Variants in SOWAHB observed in about 807,000 individuals in gnomAD.
SOWAHB encodes sosondowah ankyrin repeat domain family member B, also known as ankyrin repeat domain-containing protein SOWAHB.
SOWAHB carries 17 observed loss-of-function variants against 18.3 expected under a neutral mutation model. The ratio of observed to expected loss-of-function variants is 0.93; its 90% CI spans 0.64 to 1.40. The LOEUF (loss-of-function observed/expected upper bound fraction) is 1.40. Ranked by LOEUF, SOWAHB falls within the 40% of genes most tolerant of loss-of-function variation. The pLI is 0.00. For synonymous variants in SOWAHB, 496 were observed against 448.1 expected, an observed-to-expected ratio of 1.11 and a Z score of -1.35; for missense variants, 1,126 against 1,033.7, an observed-to-expected ratio of 1.09 and a Z score of -1.22.
rs1332916363 is a variant in SOWAHB, at chr4:76,898,099, C to G, written c.-250G>C. 1 of 497,458 alleles carries G rather than the reference C, an allele frequency of 2.0e-6. No homozygotes were observed. Among genetic ancestry groups the G allele is most frequent in the Non-Finnish European group, 3.5e-6 (1 of 284,726 alleles). 30.8% of individuals were successfully genotyped at this position (497,458 alleles called of 1,614,324 possible). A position where few individuals can be genotyped will look rare whatever the true frequency, so the allele number is the denominator to read the frequency against. On this transcript the variant is annotated 5_prime_UTR_variant, in exon 1 of 1. Transcript: ENST00000334306. ...GAGAGAGGGCGGCTCCGAGGCCGCC[C>G]CTGCGCGACTCTAGCCTCTCGCAAC...
chr4:76,897,348 C>T lies in SOWAHB; in HGVS notation c.502G>A (p.Gly168Arg), dbSNP rs138247395. The T allele has an allele frequency of 1.3e-6, 2 of 1,534,120 alleles. No homozygotes were observed. Among genetic ancestry groups the T allele is most frequent in the East Asian group, 2.5e-5 (1 of 40,378 alleles). The change falls in exon 1 of 1, where the codon GGA becomes AGA. Residue 168 changes from glycine (G) to arginine (R), a missense_variant. Transcript: ENST00000334306. This position sits in a 1 kb window ranked among gnomAD's most constrained non-coding sequence, Gnocchi z 6.4. ...GKGGGSKGSP[G>R]QRPPVPAAAA... is the part of the protein sequence containing the mutation. The stretch of plus-strand genomic sequence containing the variant: ...GCTGCGGGCACCGGCGGCCTCTGTC[C>T]GGGACTGCCCTTCGATCCGCCGCCC...
Position 76,895,851 on chromosome 4 carries a change from A to G in SOWAHB, c.1999T>C (p.Ser667Pro). 6.2e-7 allele frequency: 1 copy of G among 1,614,104 alleles called. No homozygotes were observed. Among genetic ancestry groups the G allele is most frequent in the East Asian group, 2.2e-5 (1 of 44,872 alleles). Residue 667 changes from serine to proline, a missense_variant, in exon 1 of 1, where the codon TCC becomes CCC. Coordinates refer to ENST00000334306, the MANE Select transcript of SOWAHB (RefSeq NM_001029870.3). Reference sequence around the variant, plus strand: ...TGCAGCGGGGTATATCCACAACTGGACCTCACGTTTACATCAAGGACAATC... The same window carrying G: ...TGCAGCGGGGTATATCCACAACTGGGCCTCACGTTTACATCAAGGACAATC... Reference protein sequence around the residue: ...AGIVLDVNVRSSCGYTPLHLA... With the variant: ...AGIVLDVNVRPSCGYTPLHLA...
At position 76,895,666 on chromosome 4, in the gene SOWAHB, G is replaced by A; in HGVS notation, c.2184C>T (p.Gly728=). The change falls in exon 1 of 1, where the codon GGC becomes GGT. Residue 728 remains glycine (G), a synonymous_variant. Coordinates refer to ENST00000334306, the MANE Select transcript of SOWAHB (RefSeq NM_001029870.3). ...AGGGATAGACAGGGAAAATGGGCTT[G>A]CCCCGAGGAGCTCCCAACAGCTGCC... The part of the protein sequence containing the change: ...EIWQLLGAPR[G]KPIFPVYPLV... 6.2e-7 allele frequency: 1 copy of A among 1,614,214 alleles called. No individual in the cohort carries two copies. Among genetic ancestry groups the A allele is most frequent in the Non-Finnish European group, 8.5e-7 (1 of 1,180,034 alleles).
chr4:76,896,492 C>A lies in SOWAHB; in HGVS notation c.1358G>T (p.Arg453Leu), dbSNP rs1014961729. 3.7e-6 allele frequency: 6 copies of A among 1,612,772 alleles called. No individual in the cohort carries two copies. The African/African-American group carries it at 8.0e-5, about 22-fold the overall frequency. ...SVSRKEGSPSRSPQGLRNRGD... is the reference protein window; with the variant it reads ...SVSRKEGSPSLSPQGLRNRGD... ...TCTGTTTCTGAGACCCTGAGGGCTCCGGCTGGGGCTGCCCTCCTTCCGAGA... is the reference window on the plus strand; with the variant it reads ...TCTGTTTCTGAGACCCTGAGGGCTCAGGCTGGGGCTGCCCTCCTTCCGAGA... Residue 453 changes from arginine (R) to leucine (L), a missense_variant, in exon 1 of 1, where the codon CGG becomes CTG. Transcript: ENST00000334306.
Position 76,896,966 on chromosome 4 carries a change from T to C in SOWAHB, c.884A>G (p.His295Arg), listed in dbSNP as rs1719934442. ...RPELLTPSSL[H>R]YSTLQQQQQR... is the part of the protein sequence containing the mutation. ...CTGCTGCTGCTGCAGGGTCGAATAA[T>C]GCAGGGAGCTGGGGGTCAGCAGCTC... Residue 295 changes from histidine to arginine, a missense_variant, in exon 1 of 1, where the codon CAT becomes CGT. By Grantham distance (29) the His-to-Arg change is conservative (BLOSUM62 0). Transcript: ENST00000334306. The C allele has an allele frequency of 6.3e-7, 1 of 1,594,102 alleles. No homozygotes were observed. The highest frequency in any genetic ancestry group is 8.5e-7 in the Non-Finnish European group (1 of 1,171,824).
In SOWAHB at chr4:76,897,936, G is replaced by A. The variant is rs1352816328; in HGVS notation, c.-87C>T. On this transcript the variant is annotated 5_prime_UTR_variant, in exon 1 of 1. Coordinates refer to ENST00000334306, the MANE Select transcript of SOWAHB (RefSeq NM_001029870.3). The surrounding 1 kb of genome is among the most constrained non-coding windows in gnomAD (Gnocchi z 6.4). ...CAGAGGAAACCCTGGCCGGGCGAGT[G>A]TCACCTGCGCCCGGGGCGGCACTAG... The A allele has an allele frequency of 2.9e-6, 4 of 1,387,576 alleles. No individual in the cohort carries two copies. The highest frequency in any genetic ancestry group is 2.5e-5 in the East Asian group (1 of 39,480). The allele number at this position is 1,387,576 out of a possible 1,614,324, so 86.0% of individuals were successfully genotyped here.
chr4:76,897,819 G>C lies in SOWAHB; in HGVS notation c.31C>G (p.Leu11Val). 1 of 1,599,770 alleles carries C rather than the reference G, an allele frequency of 6.3e-7. No individual in the cohort carries two copies. The highest frequency in any genetic ancestry group is 8.5e-7 in the Non-Finnish European group (1 of 1,179,828). Reference sequence around the variant, plus strand: ...CCCCCAGCCTGGCACAGAAAGTCCAGTAGTGCCTCCTGGCTCAGCTCTCGG... The same window carrying C: ...CCCCCAGCCTGGCACAGAAAGTCCACTAGTGCCTCCTGGCTCAGCTCTCGG... MARELSQEAL[L>V]DFLCQAGGRV... The change falls in exon 1 of 1, where the codon CTG becomes GTG. Residue 11 changes from leucine (L) to valine (V), a missense_variant. Leu to Val is a conservative substitution (Grantham distance 32, BLOSUM62 1). Coordinates refer to ENST00000334306, the MANE Select transcript of SOWAHB (RefSeq NM_001029870.3). The surrounding 1 kb of genome is among the most constrained non-coding windows in gnomAD (Gnocchi z 6.4).
chr4:76,897,242 T>C lies in SOWAHB; in HGVS notation c.608A>G (p.Asn203Ser). The C allele has an allele frequency of 6.3e-7, 1 of 1,579,208 alleles. No homozygotes were observed. Among genetic ancestry groups the C allele is most frequent in the East Asian group, 2.3e-5 (1 of 44,050 alleles). ...QGRCCWECLQ[N>S]NLAVLPGELG... The stretch of plus-strand genomic sequence containing the variant: ...CTCTCCCGGCAGTACAGCCAGGTTG[T>C]TCTGGAGGCATTCCCAGCAGCAGCG... The change falls in exon 1 of 1, where the codon AAC (asparagine) becomes AGC (serine). Residue 203 changes from asparagine (N) to serine (S), a missense_variant. Transcript: ENST00000334306. This position sits in a 1 kb window ranked among gnomAD's most constrained non-coding sequence, Gnocchi z 6.4.
chr4:76,897,462 C>T lies in SOWAHB; in HGVS notation c.388G>A (p.Glu130Lys), dbSNP rs1719957740. The T allele has an allele frequency of 5.4e-6, 8 of 1,495,250 alleles. No individual in the cohort carries two copies. Among genetic ancestry groups the T allele is most frequent in the Non-Finnish European group, 7.1e-6 (8 of 1,129,820 alleles). The allele number at this position is 1,495,250 out of a possible 1,614,324, so 92.6% of individuals were successfully genotyped here. Residue 130 changes from glutamate (E) to lysine (K), a missense_variant, in exon 1 of 1, where the codon GAG becomes AAG. Glu to Lys is a moderately conservative substitution (Grantham distance 56, BLOSUM62 1). Transcript: ENST00000334306. This position sits in a 1 kb window ranked among gnomAD's most constrained non-coding sequence, Gnocchi z 6.4. The stretch of plus-strand genomic sequence containing the variant: ...GCTGCTGCACCTGCTGGCTCCTCCT[C>T]CGGCTCCTTCTCGCGCCGCCGCCGC... ...PRRRRREKEP[E>K]EEPAGAAARA...
At position 76,897,013 on chromosome 4, in the gene SOWAHB, G is replaced by A. The variant is rs553865486; in HGVS notation, c.837C>T (p.Pro279=). The A allele has an allele frequency of 7.7e-5, 120 of 1,560,516 alleles. No individual in the cohort carries two copies. The African/African-American group carries it at 1.4e-3, about 19-fold the overall frequency. Reference sequence around the variant, plus strand: ...GCTCCGGCCGGTCTCCGCGGGGAGCGGGGCCGGGCAGGAGAGCAGGCGGGG... The same window carrying A: ...GCTCCGGCCGGTCTCCGCGGGGAGCAGGGCCGGGCAGGAGAGCAGGCGGGG... The part of the protein sequence containing the change: ...RASPPALLPG[P]APRGDRPELL... Residue 279 remains proline, a synonymous_variant, in exon 1 of 1, where the codon CCC becomes CCT. Transcript: ENST00000334306. The surrounding 1 kb of genome is among the most constrained non-coding windows in gnomAD (Gnocchi z 6.4).
chr4:76,897,053 G>A lies in SOWAHB; in HGVS notation c.797C>T (p.Ala266Val). Residue 266 changes from alanine (A) to valine (V), a missense_variant, in exon 1 of 1, where the codon GCG becomes GTG. Transcript: ENST00000334306. The surrounding 1 kb of genome is among the most constrained non-coding windows in gnomAD (Gnocchi z 6.4). ...AGCAGGCGGGGAAGCCCTGCTTGTC[G>A]CAGCCTCGACGGTGGCGGGAGGCGA... ...AHSPPATVEAATSRASPPALL... is the reference protein window; with the variant it reads ...AHSPPATVEAVTSRASPPALL... 1.3e-6 allele frequency: 2 copies of A among 1,541,212 alleles called. No homozygotes were observed. The highest frequency in any genetic ancestry group is 1.7e-6 in the Non-Finnish European group (2 of 1,149,698).
chr4:76,897,844 GGCC>G lies in SOWAHB; in HGVS notation c.3_5del (p.MetAla1_?2). ...GTAGTGCCTCCTGGCTCAGCTCTCGGGCCATCGCTGCCTTGTCCTCCGCCCCAG... is the reference window on the plus strand; with the variant it reads ...GTAGTGCCTCCTGGCTCAGCTCTCGGATCGCTGCCTTGTCCTCCGCCCCAG... On this transcript the variant is annotated start_lost and inframe_deletion, in exon 1 of 1. Coordinates refer to ENST00000334306, the MANE Select transcript of SOWAHB (RefSeq NM_001029870.3). The surrounding 1 kb of genome is among the most constrained non-coding windows in gnomAD (Gnocchi z 6.4). The G allele has an allele frequency of 6.3e-7, 1 of 1,596,800 alleles. No individual in the cohort carries two copies.
Position 76,896,031 on chromosome 4 carries a change from CA to C in SOWAHB, c.1818del (p.Ser606ArgfsTer24), listed in dbSNP as rs1719901109. The C allele has an allele frequency of 6.2e-7, 1 of 1,611,674 alleles. No homozygotes were observed. The highest frequency in any genetic ancestry group is 1.1e-5 in the South Asian group (1 of 90,606). On this transcript the variant is annotated frameshift_variant, in exon 1 of 1. Transcript: ENST00000334306. LOFTEE classifies it high-confidence loss of function. ...AAAGTCCACACCTGAATCCAGGAGC[CA>C]CTGGCAAGCTTCACAATCCACTCAT... is the stretch of plus-strand genomic sequence containing the variant. ...REHEWIVKLA[S>X]GSWIQVWTLF...
Position 76,894,420 on chromosome 4 carries a change from T to G in SOWAHB, c.*1048A>C, listed in dbSNP as rs560802136. ...TCAAAAGCAATTAAAAAGGAGCACTTCATGTTAGATATAGAGTACTTAAAG... is the reference window on the plus strand; with the variant it reads ...TCAAAAGCAATTAAAAAGGAGCACTGCATGTTAGATATAGAGTACTTAAAG... On this transcript the variant is annotated 3_prime_UTR_variant, in exon 1 of 1. Coordinates refer to ENST00000334306, the MANE Select transcript of SOWAHB (RefSeq NM_001029870.3). Among the ~76,000 whole-genome samples the G allele has an allele frequency of 6.6e-6, 1 of 152,298 alleles. No individual in the cohort carries two copies. Among genetic ancestry groups the G allele is most frequent in the African/African-American group, 2.4e-5 (1 of 41,564 alleles).
chr4:76,897,845 G>C lies in SOWAHB; in HGVS notation c.5C>G (p.Ala2Gly). The change falls in exon 1 of 1, where the codon GCC (alanine) becomes GGC (glycine). Residue 2 changes from alanine to glycine, a missense_variant. Ala to Gly is a moderately conservative substitution (Grantham distance 60). Coordinates refer to ENST00000334306, the MANE Select transcript of SOWAHB (RefSeq NM_001029870.3). This position sits in a 1 kb window ranked among gnomAD's most constrained non-coding sequence, Gnocchi z 6.4. M[A>G]RELSQEALLD... is the part of the protein sequence containing the mutation. ...TAGTGCCTCCTGGCTCAGCTCTCGGGCCATCGCTGCCTTGTCCTCCGCCCC... is the reference window on the plus strand; with the variant it reads ...TAGTGCCTCCTGGCTCAGCTCTCGGCCCATCGCTGCCTTGTCCTCCGCCCC... The C allele has an allele frequency of 6.3e-7, 1 of 1,596,226 alleles. No individual in the cohort carries two copies. The highest frequency in any genetic ancestry group is 8.5e-7 in the Non-Finnish European group (1 of 1,178,940).
Position 76,897,038 on chromosome 4 carries a change from G to T in SOWAHB, c.812C>A (p.Ser271Tyr), listed in dbSNP as rs1411127228. The T allele has an allele frequency of 1.9e-6, 3 of 1,547,420 alleles. No individual in the cohort carries two copies. The Admixed American group carries it at 5.8e-5, about 30-fold the overall frequency. ...ATVEAATSRA[S>Y]PPALLPGPAP... is the part of the protein sequence containing the mutation. ...GGGGCCGGGCAGGAGAGCAGGCGGG[G>T]AAGCCCTGCTTGTCGCAGCCTCGAC... is the stretch of plus-strand genomic sequence containing the variant. Residue 271 changes from serine (S) to tyrosine (Y), a missense_variant, in exon 1 of 1, where the codon TCC becomes TAC. Coordinates refer to ENST00000334306, the MANE Select transcript of SOWAHB (RefSeq NM_001029870.3). This position sits in a 1 kb window ranked among gnomAD's most constrained non-coding sequence, Gnocchi z 6.4.
rs1578082601 is a variant in SOWAHB at position 76,896,925 on chromosome 4, A to G, written c.925T>C (p.Trp309Arg). 1.2e-6 allele frequency: 2 copies of G among 1,610,538 alleles called. No individual in the cohort carries two copies. The highest frequency in any genetic ancestry group is 1.3e-5 in the African/African-American group (1 of 74,784). The change falls in exon 1 of 1, where the codon TGG becomes CGG. Residue 309 changes from tryptophan to arginine, a missense_variant. Transcript: ENST00000334306. The stretch of plus-strand genomic sequence containing the variant: ...GGCACCTGCGGGTGCCTGGCCACCC[A>G]CTCTCGAGTGCGCTGCTGCTGCTGC... ...LQQQQQRTRE[W>R]VARHPQVPEA...
Position 76,898,070 on chromosome 4 carries a change from G to A in SOWAHB, c.-221C>T. On this transcript the variant is annotated 5_prime_UTR_variant, in exon 1 of 1. Coordinates refer to ENST00000334306, the MANE Select transcript of SOWAHB (RefSeq NM_001029870.3). ...CAAGGCTGAGTCCCCGCGGCAGTCT[G>A]CGTGAGAGAGGGCGGCTCCGAGGCC... 1.9e-6 allele frequency: 1 copy of A among 537,216 alleles called. No homozygotes were observed. The highest frequency in any genetic ancestry group is 3.2e-6 in the Non-Finnish European group (1 of 309,210). 33.3% of individuals were successfully genotyped at this position (537,216 alleles called of 1,614,324 possible).
At position 76,894,387 on chromosome 4, in the gene SOWAHB, C is replaced by T. The variant is rs546045197; in HGVS notation, c.*1081G>A. On this transcript the variant is annotated 3_prime_UTR_variant, in exon 1 of 1. Coordinates refer to ENST00000334306, the MANE Select transcript of SOWAHB (RefSeq NM_001029870.3). ...CTCACTCCATGAACTCACAAGTTAT[C>T]GGTCTCTTCAAAAGCAATTAAAAAG... Among the ~76,000 whole-genome samples the T allele has an allele frequency of 5.3e-4, 81 of 152,158 alleles. No homozygotes were observed. The highest frequency in any genetic ancestry group is 7.9e-4 in the Non-Finnish European group (54 of 68,036).
Sources: allele counts gnomAD v4.1 joint callset (sites outside exome capture counted in the v4.1 genomes callset), GRCh38; gene constraint gnomAD v4.1.1; non-coding constraint Gnocchi (gnomAD v3.1); transcripts MANE v1.5; gene names NCBI Gene and HGNC (gene_info 2026-07-23, HGNC 2026-07-21).